Variants in AK7 observed in about 807,000 individuals in gnomAD.
The protein encoded by AK7 is adenylate kinase 7.
Under a neutral mutation model 96.6 loss-of-function variants are expected in AK7, and 78 were observed. The ratio of observed to expected loss-of-function variants is 0.81; its 90% CI spans 0.67 to 0.97. The LOEUF is 0.97. AK7 is among the 50% of genes least tolerant of loss of function. The pLI is 0.00. For synonymous variants in AK7, 302 were observed against 317.2 expected (o/e 0.95, Z 0.51); for missense variants, 855 against 887.9 (o/e 0.96, Z 0.47).
At chr14:96,392,448 T>C (rs552681727) in intron 1 of AK7, among the ~76,000 whole-genome samples, 189 bp downstream of exon 1, 1 of 152,100 alleles carries the variant, frequency 6.6e-6, no homozygotes, top group Non-Finnish European at 1.5e-5. Flanking sequence ...GGTCAAGAGA[T>C]TCTACATGGA....
chr14:96,469,491 C>T lies in AK7; in HGVS notation c.1358-1987C>T, dbSNP rs1305167493. 5.0e-5 allele frequency among the ~76,000 whole-genome samples: 4 copies of T among 80,150 alleles called. No homozygotes were observed. In the East Asian group the frequency reaches 1.9e-3, roughly 38 times the overall value. The allele number at this position is 80,150 out of a possible 152,430, so 52.6% of individuals were successfully genotyped here. On this transcript the variant is annotated intron_variant, in intron 12 of 17. Transcript: ENST00000267584. ...AGTGAGCCAAGATTGCACCACTGCACTCCAGCCTGGGTAACGGATGAGACT... is the reference window on the plus strand; with the variant it reads ...AGTGAGCCAAGATTGCACCACTGCATTCCAGCCTGGGTAACGGATGAGACT...
At chr14:96,470,235 G>A (rs1415948604) in intron 12 of AK7, among the ~76,000 whole-genome samples, 1 of 151,826 alleles carries the variant, frequency 6.6e-6, no homozygotes, top group Non-Finnish European at 1.5e-5. Context: ...GAAGGAAGAG[G>A]GGGAGGATGA....
intron 12 of AK7, among the ~76,000 whole-genome samples, chr14:96,466,767 A>C (rs1310840564): frequency 6.6e-6 from 1 of 152,062 alleles, no homozygotes; most frequent in Non-Finnish European, 1.5e-5. Flanking sequence ...AGAGTTGCCC[A>C]TTTTCCTAAT....
In AK7 at chr14:96,437,982, G is replaced by A. The variant is rs996593910; in HGVS notation, c.690+67G>A. 6.8e-6 allele frequency: 10 copies of A among 1,474,108 alleles called. No homozygotes were observed. In the Admixed American group the frequency reaches 1.7e-4, roughly 26 times the overall value. 91.3% of individuals were successfully genotyped at this position (1,474,108 alleles called of 1,614,324 possible). A position where few individuals can be genotyped will look rare whatever the true frequency, so the allele number is the denominator to read the frequency against. On this transcript the variant is annotated intron_variant, in intron 6 of 17. Coordinates refer to ENST00000267584, the MANE Select transcript of AK7 (RefSeq NM_152327.5). ...TACGATACAGATACGCAATTTGAAG[G>A]TGTTTTTGATTGCTTTGGGTGTGGT...
intron 5 of AK7, among the ~76,000 whole-genome samples, chr14:96,422,657 C>G (rs914241290): frequency 2.6e-5 from 4 of 152,196 alleles, no homozygotes; most frequent in Admixed American, 6.6e-5. Context: ...GGAAGCACAT[C>G]ACGCGCTGTT....
intron 5 of AK7, among the ~76,000 whole-genome samples, chr14:96,427,353 G>A (rs1892087740): frequency 6.6e-6 from 1 of 152,212 alleles, no homozygotes; most frequent in Non-Finnish European, 1.5e-5. Flanking sequence ...CATGGCAGAA[G>A]ATAAAGGGGA....
intron 8 of AK7, among the ~76,000 whole-genome samples, chr14:96,448,120 C>A (rs1165547307): frequency 2.7e-5 from 4 of 148,494 alleles, no homozygotes; most frequent in South Asian, 2.1e-4. Flanking sequence ...CAGAGTGAGA[C>A]CCTGTCAAAA....
intron 10 of AK7, 52 bp from the exon 11 acceptor site, chr14:96,456,295 G>A: frequency 1.4e-6 from 2 of 1,417,546 alleles, no homozygotes; most frequent in Non-Finnish European, 1.9e-6. Flanking sequence ...ACTCTGTCTA[G>A]CTACAGATCA....
chr14:96,398,617 T>C lies in AK7; in HGVS notation c.294+354T>C, dbSNP rs1004992106. Reference sequence around the variant, plus strand: ...GAGAAATAGGCCAGGCGCGGTGGCTTACGCCTGTAATCCCAGCACTTTGGG... The same window carrying C: ...GAGAAATAGGCCAGGCGCGGTGGCTCACGCCTGTAATCCCAGCACTTTGGG... On this transcript the variant is annotated intron_variant, in intron 2 of 17. Coordinates refer to ENST00000267584, the MANE Select transcript of AK7 (RefSeq NM_152327.5). 2.6e-5 allele frequency: 7 copies of C among 266,634 alleles called. No homozygotes were observed. In the Admixed American group the frequency reaches 3.5e-4, roughly 13 times the overall value. The allele number at this position is 266,634 out of a possible 1,614,324, so 16.5% of individuals were successfully genotyped here.
At chr14:96,472,138 T>C (rs1296803256) in intron 13 of AK7, among the ~76,000 whole-genome samples, 1 of 152,128 alleles carries the variant, frequency 6.6e-6, no homozygotes, top group Non-Finnish European at 1.5e-5. Context: ...GTCCTCAAGG[T>C]TCATCCTTGT....
intron 3 of AK7, among the ~76,000 whole-genome samples, chr14:96,407,580 C>T (rs12896958): frequency 0.089 from 5,308 of 59,936 alleles, 516 homozygotes; most frequent in East Asian, 0.21. Context: ...TCTTTCTTTT[C>T]TTTTTTTTTT....
At chr14:96,478,360 C>T (rs117036834) in intron 14 of AK7, 105 bp from the exon 15 acceptor site, 5 of 1,129,478 alleles carry the variant, frequency 4.4e-6, no homozygotes, top group Non-Finnish European at 6.6e-6. Flanking sequence ...CTATTTGTGG[C>T]AACAGGAGGT....
chr14:96,482,434 C>A (rs149325138), intron 15 of AK7, among the ~76,000 whole-genome samples: 1 of 152,110 alleles, frequency 6.6e-6, no homozygotes, highest in Non-Finnish European at 1.5e-5. Context: ...CCTCAGTGAC[C>A]GTGGAGATCT....
intron 5 of AK7, among the ~76,000 whole-genome samples, chr14:96,436,310 A>T (rs1892631702): frequency 2.0e-5 from 3 of 152,100 alleles, no homozygotes; most frequent in Admixed American, 2.0e-4. Context: ...GTGAGGTGAG[A>T]TCACTACCTT....
Position 96,436,089 on chromosome 14 carries a change from T to C in AK7, c.610-1746T>C, listed in dbSNP as rs566061231. 2.6e-5 allele frequency among the ~76,000 whole-genome samples: 4 copies of C among 152,310 alleles called. No individual in the cohort carries two copies. In the East Asian group the frequency reaches 7.7e-4, roughly 29 times the overall value. ...CCATCCCGCCATCTTGCCCTGCCTCTGGGATTATCTTTTGACTGTTTGGTA... is the reference window on the plus strand; with the variant it reads ...CCATCCCGCCATCTTGCCCTGCCTCCGGGATTATCTTTTGACTGTTTGGTA... On this transcript the variant is annotated intron_variant, in intron 5 of 17. Transcript: ENST00000267584.
At chr14:96,430,713 G>T (rs1595403747) in intron 5 of AK7, among the ~76,000 whole-genome samples, 1 of 152,114 alleles carries the variant, frequency 6.6e-6, no homozygotes, top group East Asian at 1.9e-4. Context: ...TGTTCATCAG[G>T]GATATTGGTC....
At chr14:96,456,849 T>C (rs974953514) in intron 11 of AK7, 7 of 217,356 alleles carry the variant, frequency 3.2e-5, no homozygotes, top group Non-Finnish European at 4.7e-5. Flanking sequence ...TGGTTTCTCC[T>C]GAGGACACTC....
chr14:96,466,246 T>C (rs1894561040), intron 12 of AK7, among the ~76,000 whole-genome samples: 3 of 151,738 alleles, frequency 2.0e-5, no homozygotes, highest in Non-Finnish European at 4.4e-5. Flanking sequence ...TTTATTTATT[T>C]TTTTTTTGAG....
chr14:96,412,226 C>CTTT (rs34331496), intron 4 of AK7, among the ~76,000 whole-genome samples: 1 of 120,980 alleles, frequency 8.3e-6, no homozygotes, highest in African/African-American at 3.2e-5. Flanking sequence ...TTCTTTCTTT[C>CTTT]TTTTTTTTTT....
Sources: gnomAD v4.1 joint callset for allele counts (sites outside exome capture counted in the v4.1 genomes callset) on GRCh38, gnomAD v4.1.1 for gene constraint, MANE v1.5 for transcripts, NCBI Gene and HGNC (gene_info 2026-07-23, HGNC 2026-07-21) for gene names.